PPP2R2B: variants seen among roughly 807,000 people sequenced by gnomAD.
The protein encoded by PPP2R2B is serine/threonine-protein phosphatase 2A 55 kDa regulatory subunit B beta isoform.
A neutral mutation model predicts 46.0 loss-of-function variants in PPP2R2B; 5 were observed. That is an observed-to-expected ratio of 0.11 (90% CI 0.06 to 0.23). The LOEUF is 0.23. Among genes scored for constraint, PPP2R2B ranks in the 10% least tolerant of loss-of-function variants. The pLI is 1.00. For synonymous variants in PPP2R2B, 215 were observed against 206.7 expected, an observed-to-expected ratio of 1.04 and a Z score of -0.34; for missense variants, 367 against 575.0, an observed-to-expected ratio of 0.64 and a Z score of 3.70.
intron 5 of PPP2R2B, among the ~76,000 whole-genome samples, chr5:146,673,867 TTCA>T (rs1777533449): frequency 6.6e-6 from 1 of 152,202 alleles, no homozygotes; most frequent in South Asian, 2.1e-4. Context: ...GAGGATTTTT[TTCA>T]TCATCATCTT....
chr5:147,076,496 T>C (rs1464928242), intron 2 of PPP2R2B, among the ~76,000 whole-genome samples: 3 of 152,218 alleles, frequency 2.0e-5, no homozygotes, highest in South Asian at 2.1e-4. Flanking sequence ...ATTTATTTTC[T>C]GATTTTTATT....
intron 2 of PPP2R2B, among the ~76,000 whole-genome samples, chr5:146,772,155 A>G (rs1050320998): frequency 6.6e-6 from 1 of 152,084 alleles, no homozygotes; most frequent in Non-Finnish European, 1.5e-5. Flanking sequence ...TATATGGGCT[A>G]TCATGGAAAG....
At chr5:146,823,779 C>A (rs907420086) in intron 2 of PPP2R2B, among the ~76,000 whole-genome samples, 2 of 152,104 alleles carry the variant, frequency 1.3e-5, no homozygotes, top group Non-Finnish European at 2.9e-5. Flanking sequence ...AATAACAGCC[C>A]TTAGTAGCCC....
At chr5:146,812,815 A>ATATATG (rs1554140183) in intron 2 of PPP2R2B, among the ~76,000 whole-genome samples, 880 of 35,620 alleles carry the variant, frequency 0.025, 176 homozygotes, top group African/African-American at 0.033. Context: ...ATATATATAT[A>ATATATG]TATATATATA....
At chr5:146,809,710 A>G (rs1757409369) in intron 2 of PPP2R2B, among the ~76,000 whole-genome samples, 1 of 152,214 alleles carries the variant, frequency 6.6e-6, no homozygotes, top group East Asian at 1.9e-4. Context: ...GTTTGCTACT[A>G]AGAACAACGG....
intron 2 of PPP2R2B, among the ~76,000 whole-genome samples, chr5:146,871,102 T>G (rs192696348): frequency 6.6e-6 from 1 of 152,228 alleles, no homozygotes; most frequent in Non-Finnish European, 1.5e-5. Context: ...TCTAGAGTTC[T>G]ATTGGAGTCA....
At chr5:147,038,104 C>A (rs1281263277) in intron 1 of PPP2R2B, among the ~76,000 whole-genome samples, 2 of 152,110 alleles carry the variant, frequency 1.3e-5, no homozygotes, top group Non-Finnish European at 2.9e-5. Context: ...AAACCCACTT[C>A]CTGGTATAGT....
chr5:146,892,070 C>A (rs1762507631), intron 1 of PPP2R2B, among the ~76,000 whole-genome samples: 1 of 152,172 alleles, frequency 6.6e-6, no homozygotes. Context: ...CCTCTGTGTC[C>A]TTTCTTGTAC....
At chr5:146,901,421 C>T (rs1762832669) in intron 1 of PPP2R2B, among the ~76,000 whole-genome samples, 1 of 152,008 alleles carries the variant, frequency 6.6e-6, no homozygotes, top group South Asian at 2.1e-4. Flanking sequence ...GGGATGATTG[C>T]TTAGGAGGTC....
chr5:147,038,980 A>C (rs1756171164), intron 1 of PPP2R2B, among the ~76,000 whole-genome samples: 1 of 152,194 alleles, frequency 6.6e-6, no homozygotes, highest in South Asian at 2.1e-4. Flanking sequence ...ACACAACTGC[A>C]ACCCCCACCA....
At chr5:147,077,716 GACCA>G (rs1363736530) in intron 2 of PPP2R2B, among the ~76,000 whole-genome samples, 1 of 152,066 alleles carries the variant, frequency 6.6e-6, no homozygotes, top group Non-Finnish European at 1.5e-5. Flanking sequence ...GTGTGTTTGT[GACCA>G]ACCTAATTCT....
At chr5:146,701,827 T>C (rs1445478932) in intron 2 of PPP2R2B, among the ~76,000 whole-genome samples, 1 of 152,126 alleles carries the variant, frequency 6.6e-6, no homozygotes, top group African/African-American at 2.4e-5. Flanking sequence ...GTATTTCTAA[T>C]CAGAGAAAAT....
chr5:146,705,531 G>A (rs1273957248), intron 2 of PPP2R2B, among the ~76,000 whole-genome samples: 1 of 152,130 alleles, frequency 6.6e-6, no homozygotes, highest in African/African-American at 2.4e-5. Flanking sequence ...CTACTTTGTG[G>A]ATCATTAAAC....
chr5:146,620,416 C>A (rs184531078), intron 7 of PPP2R2B, among the ~76,000 whole-genome samples: 1 of 152,316 alleles, frequency 6.6e-6, no homozygotes, highest in African/African-American at 2.4e-5. Flanking sequence ...TGAGCACATT[C>A]TCTCCAGCAG....
intron 1 of PPP2R2B, chr5:147,040,665 C>A: frequency 2.4e-6 from 1 of 421,904 alleles, no homozygotes. Context: ...AACATATACC[C>A]TGGCCCTGAA....
At chr5:146,922,366 C>T (rs1763636603) in intron 1 of PPP2R2B, 1 of 152,212 alleles carries the variant, frequency 6.6e-6, no homozygotes, top group Non-Finnish European at 1.5e-5. Context: ...AGGACTCTCC[C>T]TCCTAGCTCA....
chr5:146,704,517 G>T (rs111249931), intron 2 of PPP2R2B, among the ~76,000 whole-genome samples: 235 of 152,258 alleles, frequency 1.5e-3, no homozygotes, highest in African/African-American at 5.2e-3. Context: ...TTCCTCTGTT[G>T]TATATAGATG....
chr5:147,057,957 G>T (rs552444698), upstream of PPP2R2B, among the ~76,000 whole-genome samples: 11 of 152,302 alleles, frequency 7.2e-5, no homozygotes, highest in African/African-American at 2.6e-4. Flanking sequence ...CACATTGTAA[G>T]TGCTTCCTAA....
chr5:146,677,896 T>C (rs1237376990), intron 5 of PPP2R2B, among the ~76,000 whole-genome samples: 4 of 152,182 alleles, frequency 2.6e-5, no homozygotes, highest in Non-Finnish European at 5.9e-5. Flanking sequence ...GCAGAGACCA[T>C]ACATGTCCAT....
Sources: gnomAD v4.1 joint callset for allele counts (sites outside exome capture counted in the v4.1 genomes callset) on GRCh38, gnomAD v4.1.1 for gene constraint, MANE v1.5 for transcripts, NCBI Gene and HGNC (gene_info 2026-07-23, HGNC 2026-07-21) for gene names.